The following FYN variants were observed in gnomAD, a reference collection of about 807,000 sequenced individuals.
FYN encodes the protein tyrosine-protein kinase Fyn.
In FYN, 10 loss-of-function variants were observed where a neutral mutation model predicts 70.2. The observed-to-expected ratio is 0.14, with a 90% confidence interval of 0.09 to 0.24. The LOEUF is 0.24. FYN is among the 10% of genes least tolerant of loss of function. The probability of loss-of-function intolerance (pLI) is 1.00; values close to 1 mark genes in which losing one functional copy is unlikely to be tolerated. For missense variants in FYN, 319 were observed against 673.1 expected, an observed-to-expected ratio of 0.47 and a Z score of 5.82; for synonymous variants, 236 against 248.6, an observed-to-expected ratio of 0.95 and a Z score of 0.48.
At chr6:111,731,449 G>C (rs1373908312) in intron 3 of FYN, among the ~76,000 whole-genome samples, 2 of 152,180 alleles carry the variant, frequency 1.3e-5, no homozygotes, top group African/African-American at 4.8e-5. Flanking sequence ...TGAGAATTTG[G>C]CTGTGAGGCC....
intron 13 of FYN, among the ~76,000 whole-genome samples, chr6:111,673,619 A>ACTGTTTTTTTTTTTTTT (rs1301768351): frequency 6.2e-5 from 4 of 65,010 alleles, no homozygotes; most frequent in African/African-American, 1.0e-4. Context: ...CGTTTCTATC[A>ACTGTTTTTTTTTTTTTT]TTGTTTTTTT....
intron 2 of FYN, among the ~76,000 whole-genome samples, chr6:111,785,718 G>A (rs182688920): frequency 2.0e-5 from 3 of 151,310 alleles, no homozygotes; most frequent in South Asian, 2.1e-4. Flanking sequence ...TGTACACAAC[G>A]TGAAGGTTTG....
chr6:111,722,338 T>C (rs1800991945), intron 3 of FYN, among the ~76,000 whole-genome samples: 1 of 152,196 alleles, frequency 6.6e-6, no homozygotes, highest in Non-Finnish European at 1.5e-5. Context: ...GGTAAATGGA[T>C]ATGATTTTAA....
At chr6:111,778,849 T>G (rs889797270) in intron 3 of FYN, among the ~76,000 whole-genome samples, 2 of 152,012 alleles carry the variant, frequency 1.3e-5, no homozygotes, top group African/African-American at 4.8e-5. Context: ...AATGCTGGGG[T>G]TTTTTTTCTT....
intron 13 of FYN, among the ~76,000 whole-genome samples, chr6:111,666,665 TGTACAAAAA>T (rs1798025036): frequency 6.6e-6 from 1 of 152,188 alleles, no homozygotes; most frequent in Non-Finnish European, 1.5e-5. Context: ...AAACCCTGTC[TGTACAAAAA>T]GTACAAAAAT....
intron 3 of FYN, among the ~76,000 whole-genome samples, chr6:111,767,851 T>C (rs1184072526): frequency 1.3e-5 from 2 of 152,220 alleles, no homozygotes; most frequent in Non-Finnish European, 2.9e-5. Context: ...ACTAGATAGA[T>C]CAGGATAAGC....
intron 12 of FYN, among the ~76,000 whole-genome samples, chr6:111,687,663 A>C (rs1799079046): frequency 6.6e-6 from 1 of 151,926 alleles, no homozygotes; most frequent in African/African-American, 2.4e-5. Flanking sequence ...AGAGAGAGAA[A>C]CACAGCTATT....
chr6:111,673,956 T>C lies in FYN; in HGVS notation c.1405+543A>G, dbSNP rs188890998. On this transcript the variant is annotated intron_variant, in intron 13 of 13. Transcript: ENST00000354650. ...GCTTTGGTATAGCATGTTTTGACTG[T>C]TCAGCAACAGGCAGTGAGTGGCTCT... 8.5e-4 allele frequency among the ~76,000 whole-genome samples: 117 copies of C among 137,384 alleles called. 2 individuals carry two copies. The highest frequency in any genetic ancestry group is 3.2e-3 in the Admixed American group (40 of 12,608). 90.1% of individuals were successfully genotyped at this position (137,384 alleles called of 152,430 possible).
chr6:111,692,511 C>T (rs547816649), intron 12 of FYN, among the ~76,000 whole-genome samples: 7 of 152,248 alleles, frequency 4.6e-5, no homozygotes, highest in Admixed American at 6.5e-5. Context: ...GTGAATAAGG[C>T]GTGGACTAAA....
intron 3 of FYN, among the ~76,000 whole-genome samples, chr6:111,769,520 G>C: frequency 6.6e-6 from 1 of 152,132 alleles, no homozygotes; most frequent in East Asian, 1.9e-4. Flanking sequence ...TTCATTGTGA[G>C]TAATACTCAA....
chr6:111,726,314 C>G (rs1366513646), intron 3 of FYN, among the ~76,000 whole-genome samples: 1 of 152,130 alleles, frequency 6.6e-6, no homozygotes, highest in African/African-American at 2.4e-5. Flanking sequence ...GGGATGGGCA[C>G]CATGGGGATG....
intron 2 of FYN, among the ~76,000 whole-genome samples, chr6:111,815,264 T>C (rs1161859695): frequency 6.6e-6 from 1 of 152,204 alleles, no homozygotes; most frequent in Admixed American, 6.5e-5. Context: ...TGCAGCCTCC[T>C]GCAGCCTGTA....
intron 1 of FYN, among the ~76,000 whole-genome samples, chr6:111,852,886 C>T (rs1773722328): frequency 6.6e-6 from 1 of 152,142 alleles, no homozygotes; most frequent in Admixed American, 6.5e-5. Context: ...TGTGTAAAAC[C>T]ATTTACTGTC....
intron 4 of FYN, among the ~76,000 whole-genome samples, chr6:111,717,083 C>T (rs541306342): frequency 7.9e-5 from 12 of 151,900 alleles, no homozygotes; most frequent in Non-Finnish European, 7.4e-5. Flanking sequence ...TGCGCCTGGC[C>T]GAGATTTAAT....
At chr6:111,748,982 C>G (rs4945890) in intron 3 of FYN, among the ~76,000 whole-genome samples, 48,518 of 151,974 alleles carry the variant, frequency 0.32, 8,809 homozygotes, top group East Asian at 0.47. Flanking sequence ...AGTGGCAAAC[C>G]AACTGCACTG....
chr6:111,860,772 C>G (rs1481353424), intron 1 of FYN, among the ~76,000 whole-genome samples: 1 of 152,208 alleles, frequency 6.6e-6, no homozygotes, highest in African/African-American at 2.4e-5. Flanking sequence ...AGACACTCCT[C>G]ATCCTCACTA....
At chr6:111,766,433 T>C in intron 3 of FYN, among the ~76,000 whole-genome samples, 1 of 152,126 alleles carries the variant, frequency 6.6e-6, no homozygotes, top group Admixed American at 6.5e-5. Context: ...CACAAAAAAT[T>C]TCCAATGCAC....
At chr6:111,685,652 T>C (rs112770020) in intron 12 of FYN, among the ~76,000 whole-genome samples, 2 of 152,350 alleles carry the variant, frequency 1.3e-5, no homozygotes, top group South Asian at 2.1e-4. Flanking sequence ...ACTGACATTT[T>C]TGATGTTTGA....
chr6:111,681,137 C>G (rs571395864), intron 12 of FYN, among the ~76,000 whole-genome samples: 4 of 151,798 alleles, frequency 2.6e-5, no homozygotes, highest in Admixed American at 2.6e-4. Context: ...AAGCAATTCT[C>G]CTGTCTCAGC....
Sources: gnomAD v4.1 joint callset for allele counts (sites outside exome capture counted in the v4.1 genomes callset) on GRCh38, gnomAD v4.1.1 for gene constraint, MANE v1.5 for transcripts, NCBI Gene and HGNC (gene_info 2026-07-23, HGNC 2026-07-21) for gene names.